Variants in GABBR2 observed in about 807,000 individuals in gnomAD.
GABBR2 encodes G-protein coupled receptor 51.
In GABBR2, 23 loss-of-function variants were observed where a neutral mutation model predicts 105.6. The ratio of observed to expected loss-of-function variants is 0.22; its 90% CI spans 0.16 to 0.31. The LOEUF (loss-of-function observed/expected upper bound fraction) is 0.31. Ranked by LOEUF, GABBR2 falls within the 10% of genes least tolerant of loss-of-function variation. GABBR2 has a pLI of 1.00. For missense variants in GABBR2, 734 were observed against 1,245.5 expected, an observed-to-expected ratio of 0.59 and a Z score of 6.18; for synonymous variants, 478 against 499.7, an observed-to-expected ratio of 0.96 and a Z score of 0.58.
intron 17 of GABBR2, among the ~76,000 whole-genome samples, chr9:98,296,554 G>A (rs147284846): frequency 1.6e-4 from 25 of 152,254 alleles, no homozygotes; most frequent in Non-Finnish European, 3.4e-4. Flanking sequence ...GCAGCTTTTT[G>A]ATCTCTGATC....
Position 98,371,524 on chromosome 9 carries a change from G to A in GABBR2, c.1710C>T (p.Ala570=), listed in dbSNP as rs1211951680. 6.2e-7 allele frequency: 1 copy of A among 1,612,586 alleles called. No homozygotes were observed. The highest frequency in any genetic ancestry group is 8.5e-7 in the Non-Finnish European group (1 of 1,178,784). ...LTVGYTTAFG[A]MFAKTWRVHA... ...GGACTCTCCAGGTCTTTGCAAACAT[G>A]GCCCCAAAAGCGGTCGTGTAGCCCA... Residue 570 remains alanine, a synonymous_variant, in exon 12 of 19, where the codon GCC becomes GCT. Coordinates refer to ENST00000259455, the MANE Select transcript of GABBR2 (RefSeq NM_005458.8).
At chr9:98,406,304 T>C (rs1250447732) in intron 7 of GABBR2, among the ~76,000 whole-genome samples, 163 bp from the exon 8 acceptor site, 1 of 152,248 alleles carries the variant, frequency 6.6e-6, no homozygotes, top group East Asian at 1.9e-4. Flanking sequence ...AAACTAATTG[T>C]TTTTAAATTG....
chr9:98,505,499 C>T (rs915516588), intron 3 of GABBR2, among the ~76,000 whole-genome samples: 3 of 151,712 alleles, frequency 2.0e-5, no homozygotes, highest in Non-Finnish European at 4.4e-5. Context: ...AGTGCAGAGC[C>T]AGTGGCTTGA....
chr9:98,641,299 ATTT>A (rs58779559), intron 1 of GABBR2, among the ~76,000 whole-genome samples: 3 of 129,264 alleles, frequency 2.3e-5, no homozygotes, highest in Non-Finnish European at 1.7e-5. Flanking sequence ...ATGCCCAGCT[ATTT>A]TTTTTTTTTT....
chr9:98,602,475 T>A (rs12378855), intron 1 of GABBR2, among the ~76,000 whole-genome samples: 47,958 of 134,300 alleles, frequency 0.36, 8,685 homozygotes, highest in African/African-American at 0.49. Context: ...AAAAAAAAAA[T>A]GGTAAATGTC....
At position 98,299,233 on chromosome 9, in the gene GABBR2, C is replaced by T; in HGVS notation, c.2533G>A (p.Glu845Lys). The change falls in exon 17 of 19, where the codon GAG (glutamate) becomes AAG (lysine). Residue 845 changes from glutamate (E) to lysine (K), a missense_variant. By Grantham distance (56) the Glu-to-Lys change is moderately conservative. Around this residue, in one of 7 missense-constraint regions of GABBR2, gnomAD observed 134 missense variants for 171.2 expected, o/e 0.78. Coordinates refer to ENST00000259455, the MANE Select transcript of GABBR2 (RefSeq NM_005458.8). ...NDILNLGNFT[E>K]STDGGKAILK... ...GCCCTGGCTCTCTTACCTGTGCTCTCAGTGAAGTTTCCCAGGTTGAGGATG... is the reference window on the plus strand; with the variant it reads ...GCCCTGGCTCTCTTACCTGTGCTCTTAGTGAAGTTTCCCAGGTTGAGGATG... The T allele has an allele frequency of 6.2e-7, 1 of 1,614,022 alleles. No individual in the cohort carries two copies. Among genetic ancestry groups the T allele is most frequent in the Non-Finnish European group, 8.5e-7 (1 of 1,179,968 alleles).
At chr9:98,466,812 TC>T (rs981991710) in intron 6 of GABBR2, among the ~76,000 whole-genome samples, 2 of 152,222 alleles carry the variant, frequency 1.3e-5, no homozygotes, top group Admixed American at 6.5e-5. Flanking sequence ...ATAGGTTATT[TC>T]TTTCTCATAT....
At chr9:98,404,199 C>CAAAAAAA (rs55680554) in intron 8 of GABBR2, among the ~76,000 whole-genome samples, 2 of 144,976 alleles carry the variant, frequency 1.4e-5, no homozygotes, top group Non-Finnish European at 1.5e-5. Flanking sequence ...TGCAATCACT[C>CAAAAAAA]AAAAAAAAAA....
At chr9:98,327,247 G>A (rs1341559113) in intron 13 of GABBR2, among the ~76,000 whole-genome samples, 1 of 152,134 alleles carries the variant, frequency 6.6e-6, no homozygotes. Flanking sequence ...TCCTCATTAT[G>A]TCTTGCGGGA....
chr9:98,560,782 G>GTATATA (rs35347663), intron 2 of GABBR2, among the ~76,000 whole-genome samples: 15,195 of 145,264 alleles, frequency 0.1, 1,768 homozygotes, highest in African/African-American at 0.29. Context: ...ATATAGTAGT[G>GTATATA]TATATATATA....
intron 13 of GABBR2, among the ~76,000 whole-genome samples, chr9:98,346,985 A>G (rs10985939): frequency 0.036 from 5,540 of 152,138 alleles, 350 homozygotes; most frequent in East Asian, 0.25. Context: ...TTTTCTGTTG[A>G]TGGACATTGA....
At chr9:98,610,066 T>C (rs1829482740) in intron 1 of GABBR2, among the ~76,000 whole-genome samples, 2 of 152,180 alleles carry the variant, frequency 1.3e-5, no homozygotes, top group Admixed American at 1.3e-4. Context: ...CTGTCCTCCC[T>C]GCGCCCCTCT....
intron 3 of GABBR2, among the ~76,000 whole-genome samples, chr9:98,532,557 C>G (rs1035025517): frequency 2.0e-5 from 3 of 152,192 alleles, no homozygotes; most frequent in Non-Finnish European, 2.9e-5. Context: ...GGTGGCTCAG[C>G]CCTCCAAGTG....
At chr9:98,613,075 AC>A (rs1829529000) in intron 1 of GABBR2, among the ~76,000 whole-genome samples, 1 of 152,292 alleles carries the variant, frequency 6.6e-6, no homozygotes, top group African/African-American at 2.4e-5. Context: ...TGGAATGCAA[AC>A]ATGGCCAGTT....
intron 14 of GABBR2, among the ~76,000 whole-genome samples, chr9:98,308,347 G>A (rs1311603957): frequency 6.6e-6 from 1 of 152,176 alleles, no homozygotes; most frequent in African/African-American, 2.4e-5. Context: ...AGTAGAATGA[G>A]GGTTCATGGG....
chr9:98,570,634 T>G (rs1828817045), intron 2 of GABBR2, among the ~76,000 whole-genome samples: 1 of 152,152 alleles, frequency 6.6e-6, no homozygotes. Context: ...CAAACCAGGC[T>G]GGTGGGAGAT....
intron 1 of GABBR2, among the ~76,000 whole-genome samples, chr9:98,689,197 C>G (rs959613230): frequency 1.3e-5 from 2 of 152,056 alleles, no homozygotes; most frequent in Non-Finnish European, 2.9e-5. Flanking sequence ...TCTTGAGGTC[C>G]CTTTGGAAGC....
At chr9:98,617,946 T>C (rs114833584) in intron 1 of GABBR2, among the ~76,000 whole-genome samples, 2,339 of 152,272 alleles carry the variant, frequency 0.015, 62 homozygotes, top group African/African-American at 0.054. Flanking sequence ...CTCCGTTTCC[T>C]CATCTATTAA....
intron 13 of GABBR2, among the ~76,000 whole-genome samples, chr9:98,326,001 C>G (rs1249505580): frequency 6.6e-6 from 1 of 152,156 alleles, no homozygotes; most frequent in East Asian, 1.9e-4. Flanking sequence ...CATCTCGTCC[C>G]TCATGACCTT....
Sources: gnomAD v4.1 joint callset for allele counts (sites outside exome capture counted in the v4.1 genomes callset) on GRCh38, gnomAD v4.1.1 for gene constraint, gnomAD v4.1.1 regional missense constraint, MANE v1.5 for transcripts, NCBI Gene and HGNC (gene_info 2026-07-23, HGNC 2026-07-21) for gene names.